Variants in TAFA1 observed in about 807,000 individuals in gnomAD.
TAFA1 encodes the protein chemokine-like protein TAFA-1.
Under a neutral mutation model 18.5 loss-of-function variants are expected in TAFA1, and 4 were observed. That is an observed-to-expected ratio of 0.22 (90% CI 0.11 to 0.49). TAFA1 has a LOEUF of 0.49. Among genes scored for constraint, TAFA1 ranks in the 20% least tolerant of loss-of-function variants. TAFA1 has a pLI of 0.98. For synonymous variants in TAFA1, 56 were observed against 55.2 expected (o/e 1.01, Z -0.06); for missense variants, 147 against 169.0 (o/e 0.87, Z 0.72).
At chr3:68,051,095 C>A (rs1390469621) in intron 2 of TAFA1, among the ~76,000 whole-genome samples, 3 of 115,102 alleles carry the variant, frequency 2.6e-5, no homozygotes, top group Non-Finnish European at 3.6e-5. Context: ...TATTGTTAAC[C>A]ATCAGTTTTC....
At chr3:68,308,812 C>T (rs1311581771) in intron 2 of TAFA1, among the ~76,000 whole-genome samples, 1 of 151,990 alleles carries the variant, frequency 6.6e-6, no homozygotes, top group Non-Finnish European at 1.5e-5. Flanking sequence ...CACACACACA[C>T]TCACTCACTC....
At chr3:68,270,841 A>C (rs2067651689) in intron 2 of TAFA1, among the ~76,000 whole-genome samples, 1 of 152,162 alleles carries the variant, frequency 6.6e-6, no homozygotes, top group South Asian at 2.1e-4. Context: ...TTAATGAAGC[A>C]CCTGGGGGGC....
chr3:68,428,953 A>G (rs1045887250), intron 3 of TAFA1, among the ~76,000 whole-genome samples: 5 of 151,908 alleles, frequency 3.3e-5, no homozygotes, highest in Non-Finnish European at 5.9e-5. Context: ...CCTTCTCAAT[A>G]GAGGTTCAAG....
intron 2 of TAFA1, among the ~76,000 whole-genome samples, chr3:68,116,220 T>A (rs1000863499): frequency 2.6e-5 from 4 of 151,792 alleles, no homozygotes; most frequent in Non-Finnish European, 4.4e-5. Flanking sequence ...GCGCCACTGC[T>A]CTCCAGCCTG....
At chr3:68,467,275 G>A (rs2071906395) in intron 3 of TAFA1, among the ~76,000 whole-genome samples, 1 of 152,156 alleles carries the variant, frequency 6.6e-6, no homozygotes, top group African/African-American at 2.4e-5. Context: ...AGCTTAAGAA[G>A]ATGATAGGAT....
At chr3:68,294,614 G>T (rs1230486383) in intron 2 of TAFA1, among the ~76,000 whole-genome samples, 3 of 152,108 alleles carry the variant, frequency 2.0e-5, no homozygotes, top group Admixed American at 2.0e-4. Context: ...GCCAGGCATG[G>T]TGGCTCACAT....
At chr3:68,031,367 G>A (rs1704931209) in intron 2 of TAFA1, among the ~76,000 whole-genome samples, 1 of 152,172 alleles carries the variant, frequency 6.6e-6, no homozygotes, top group Non-Finnish European at 1.5e-5. Flanking sequence ...TATGTGGGGT[G>A]CTGTGCCAGC....
chr3:68,081,632 A>C (rs1410784848), intron 2 of TAFA1, among the ~76,000 whole-genome samples: 1 of 152,200 alleles, frequency 6.6e-6, no homozygotes, highest in East Asian at 1.9e-4. Context: ...CTCGGGGGTC[A>C]GGGGTCAGGG....
chr3:68,436,530 T>C (rs761465076), intron 3 of TAFA1, among the ~76,000 whole-genome samples: 2 of 152,122 alleles, frequency 1.3e-5, no homozygotes, highest in African/African-American at 4.8e-5. Context: ...AAAGTCAAGT[T>C]GGGGCCAAAT....
intron 3 of TAFA1, among the ~76,000 whole-genome samples, chr3:68,491,112 T>A (rs1203091281): frequency 6.6e-6 from 1 of 152,184 alleles, no homozygotes; most frequent in Admixed American, 6.5e-5. Flanking sequence ...GTGCTAGGAT[T>A]ACAGGCATGA....
intron 3 of TAFA1, among the ~76,000 whole-genome samples, chr3:68,522,965 A>C (rs1174099546): frequency 6.6e-6 from 1 of 152,138 alleles, no homozygotes; most frequent in Non-Finnish European, 1.5e-5. Flanking sequence ...GATCTCAGCT[A>C]CTCAGGAGGC....
At chr3:68,127,841 TAGC>T (rs1446302232) in intron 2 of TAFA1, among the ~76,000 whole-genome samples, 2 of 144,326 alleles carry the variant, frequency 1.4e-5, no homozygotes, top group Non-Finnish European at 3.0e-5. Flanking sequence ...GTGATGCTGA[TAGC>T]AGTGGTGGTG....
At chr3:68,385,453 G>C (rs952768) in intron 2 of TAFA1, among the ~76,000 whole-genome samples, 77,459 of 151,850 alleles carry the variant, frequency 0.51, 20,332 homozygotes, top group African/African-American at 0.58. Flanking sequence ...TGAATCCTTG[G>C]TTTTCATCGT....
intron 2 of TAFA1, among the ~76,000 whole-genome samples, chr3:68,185,698 T>C (rs1027389837): frequency 2.6e-5 from 4 of 151,896 alleles, no homozygotes; most frequent in African/African-American, 9.7e-5. Flanking sequence ...TCACTTGAGC[T>C]CAGGAGTTCC....
Position 68,125,186 on chromosome 3 carries a change from G to A in TAFA1, c.118+118442G>A, listed in dbSNP as rs865891756. 3.9e-5 allele frequency among the ~76,000 whole-genome samples: 6 copies of A among 152,286 alleles called. No individual in the cohort carries two copies. The South Asian group carries it at 1.2e-3, about 32-fold the overall frequency. The stretch of plus-strand genomic sequence containing the variant: ...TGCATCCCACTGTCTGTTTCACCCT[G>A]GGTGAATTTCAGCACAGCACTTCTC... On this transcript the variant is annotated intron_variant, in intron 2 of 4. Transcript: ENST00000478136.
intron 2 of TAFA1, among the ~76,000 whole-genome samples, chr3:68,037,513 G>A (rs1705077687): frequency 6.6e-6 from 1 of 152,200 alleles, no homozygotes; most frequent in Middle Eastern, 3.4e-3. Flanking sequence ...AATATTTTAT[G>A]TCTAAACTAC....
intron 2 of TAFA1, among the ~76,000 whole-genome samples, chr3:68,038,282 A>T (rs1479909476): frequency 2.0e-5 from 3 of 152,186 alleles, no homozygotes; most frequent in African/African-American, 7.2e-5. Flanking sequence ...AAAAGTTGGA[A>T]AAATTGAGAC....
In TAFA1 at chr3:68,353,071, C is replaced by T. The variant is rs576227247; in HGVS notation, c.119-64209C>T. On this transcript the variant is annotated intron_variant, in intron 2 of 4. Coordinates refer to ENST00000478136, the MANE Select transcript of TAFA1 (RefSeq NM_213609.4). ...GGCCTTTTAACAAATGAGATGACTC[C>T]CTTATCTGTCCTTAAATTGTGTTCA... is the stretch of plus-strand genomic sequence containing the variant. Among the ~76,000 whole-genome samples, 220 of 152,072 alleles carry T rather than the reference C, an allele frequency of 1.4e-3. 2 individuals carry two copies. In the South Asian group the frequency reaches 0.024, roughly 17 times the overall value.
chr3:68,140,181 G>A (rs2065653058), intron 2 of TAFA1, among the ~76,000 whole-genome samples: 1 of 152,182 alleles, frequency 6.6e-6, no homozygotes, highest in Non-Finnish European at 1.5e-5. Flanking sequence ...CTATGTGGGA[G>A]GCTAATTTGG....
Sources: allele counts gnomAD v4.1 joint callset (sites outside exome capture counted in the v4.1 genomes callset), GRCh38; gene constraint gnomAD v4.1.1; transcripts MANE v1.5; gene names NCBI Gene and HGNC (gene_info 2026-07-23, HGNC 2026-07-21).